PLEKHA7: variants seen among roughly 807,000 people sequenced by gnomAD.
The protein encoded by PLEKHA7 is pleckstrin homology domain containing A7.
In PLEKHA7, 104 loss-of-function variants were observed where a neutral mutation model predicts 170.0. The ratio of observed to expected loss-of-function variants is 0.61; its 90% confidence interval spans 0.52 to 0.72. The LOEUF (loss-of-function observed/expected upper bound fraction) is 0.72, where lower values mean the gene tolerates loss of function less well. Ranked by LOEUF, PLEKHA7 falls within the 30% of genes least tolerant of loss-of-function variation. The probability of loss-of-function intolerance (pLI) is 0.00; values close to 1 mark genes in which losing one functional copy is unlikely to be tolerated. For missense variants in PLEKHA7, 1,615 were observed against 1,671.7 expected (o/e 0.97, Z 0.59); for synonymous variants, 648 against 660.8 (o/e 0.98, Z 0.30).
At chr11:16,980,604 G>A (rs1863365594) in intron 3 of PLEKHA7, among the ~76,000 whole-genome samples, 1 of 152,144 alleles carries the variant, frequency 6.6e-6, no homozygotes, top group African/African-American at 2.4e-5. Context: ...GTTTGGTTTG[G>A]TTTGGGGGGG....
At chr11:16,838,822 G>A (rs1341710931) in intron 9 of PLEKHA7, among the ~76,000 whole-genome samples, 1 of 151,612 alleles carries the variant, frequency 6.6e-6, no homozygotes, top group Non-Finnish European at 1.5e-5. Flanking sequence ...GAGTAGCTGG[G>A]ACTACAGGTG....
At chr11:16,787,541 G>A (rs931854300) in intron 23 of PLEKHA7, 6 of 151,858 alleles carry the variant, frequency 4.0e-5, no homozygotes, top group Non-Finnish European at 5.9e-5. Flanking sequence ...TTCCTTACAC[G>A]CTCACAAATG....
At chr11:16,838,735 C>T (rs404492) in intron 9 of PLEKHA7, among the ~76,000 whole-genome samples, 22,985 of 127,984 alleles carry the variant, frequency 0.18, 2,228 homozygotes, top group African/African-American at 0.29. Context: ...CGCTCTGTTG[C>T]CCAGGCAGTG....
At chr11:17,012,847 C>T (rs1248556929) in intron 3 of PLEKHA7, among the ~76,000 whole-genome samples, 1 of 152,174 alleles carries the variant, frequency 6.6e-6, no homozygotes, top group Non-Finnish European at 1.5e-5. Context: ...GCAATAGAAC[C>T]GCAGCAAGGC....
chr11:17,006,647 A>AAGT (rs1865016718), intron 3 of PLEKHA7, among the ~76,000 whole-genome samples: 9 of 139,338 alleles, frequency 6.5e-5, no homozygotes, highest in East Asian at 2.3e-4. Context: ...AAAAAGGAAG[A>AAGT]TGATATATAA....
At chr11:16,958,945 G>T (rs548110973) in intron 3 of PLEKHA7, among the ~76,000 whole-genome samples, 6 of 152,150 alleles carry the variant, frequency 3.9e-5, no homozygotes, top group Non-Finnish European at 8.8e-5. Flanking sequence ...ACAGGCGGGT[G>T]GGGGGAAAGA....
chr11:16,800,413 C>G (rs1444670664), intron 17 of PLEKHA7, among the ~76,000 whole-genome samples: 3 of 152,152 alleles, frequency 2.0e-5, no homozygotes, highest in Non-Finnish European at 4.4e-5. Context: ...TGGCAGGGCT[C>G]TAAGGCCAAC....
At chr11:16,848,775 G>A (rs1852675329) in intron 8 of PLEKHA7, among the ~76,000 whole-genome samples, 1 of 152,178 alleles carries the variant, frequency 6.6e-6, no homozygotes, top group South Asian at 2.1e-4. Flanking sequence ...AAAGGTTAAA[G>A]AGTAGGCCAA....
chr11:16,943,801 A>ACAGTGC (rs1860845396), intron 3 of PLEKHA7, among the ~76,000 whole-genome samples: 1 of 152,182 alleles, frequency 6.6e-6, no homozygotes. Flanking sequence ...GCAGACAGAG[A>ACAGTGC]CAGTGCCAGG....
chr11:16,984,682 A>G (rs1863625849), intron 3 of PLEKHA7, among the ~76,000 whole-genome samples: 1 of 152,180 alleles, frequency 6.6e-6, no homozygotes, highest in Non-Finnish European at 1.5e-5. Context: ...CTGATACTAT[A>G]TATTTTAACC....
At chr11:16,891,567 G>A (rs1272693557) in intron 3 of PLEKHA7, among the ~76,000 whole-genome samples, 1 of 152,200 alleles carries the variant, frequency 6.6e-6, no homozygotes, top group African/African-American at 2.4e-5. Flanking sequence ...TATTAGTTTA[G>A]TGGCTTTGAT....
At chr11:16,793,544 C>T (rs975743828) in intron 19 of PLEKHA7, among the ~76,000 whole-genome samples, 20 of 152,240 alleles carry the variant, frequency 1.3e-4, no homozygotes, top group Non-Finnish European at 2.9e-5. Context: ...TCCAGGCACA[C>T]ACAATGCCCA....
intron 9 of PLEKHA7, among the ~76,000 whole-genome samples, chr11:16,837,953 A>T (rs1221099098): frequency 2.6e-5 from 4 of 152,112 alleles, no homozygotes; most frequent in Non-Finnish European, 5.9e-5. Context: ...GGCTTGAGAA[A>T]CCTATTGGGT....
chr11:16,996,753 G>A (rs561825998), intron 3 of PLEKHA7, among the ~76,000 whole-genome samples: 48 of 152,210 alleles, frequency 3.2e-4, no homozygotes, highest in African/African-American at 1.0e-3. Flanking sequence ...TGGCTAACAC[G>A]GTGAAACCCC....
chr11:16,861,536 C>A (rs1195758152), intron 4 of PLEKHA7, among the ~76,000 whole-genome samples: 1 of 152,000 alleles, frequency 6.6e-6, no homozygotes, highest in Non-Finnish European at 1.5e-5. Context: ...GTAGTCCCAC[C>A]TACTAGGGAG....
At chr11:16,788,767 T>G in intron 23 of PLEKHA7, 1 of 425,912 alleles carries the variant, frequency 2.3e-6, no homozygotes, top group Non-Finnish European at 4.3e-6. Flanking sequence ...CTCTCCTCTC[T>G]GAACCCTGTA....
chr11:16,803,934 G>T (rs904367217), intron 13 of PLEKHA7, among the ~76,000 whole-genome samples: 1 of 152,206 alleles, frequency 6.6e-6, no homozygotes, highest in African/African-American at 2.4e-5. Context: ...ACTTGTGTAA[G>T]TTACAAGAAA....
chr11:16,986,270 C>T (rs1863720963), intron 3 of PLEKHA7, among the ~76,000 whole-genome samples: 1 of 152,164 alleles, frequency 6.6e-6, no homozygotes, highest in South Asian at 2.1e-4. Flanking sequence ...CCAGTCGGAA[C>T]CATCTGCACC....
At chr11:16,801,602 A>G in intron 16 of PLEKHA7, 66 bp downstream of exon 16, 1 of 1,586,600 alleles carries the variant, frequency 6.3e-7, no homozygotes, top group African/African-American at 1.3e-5. Context: ...ACATCTTGGG[A>G]GGGGAGAAAA....
Sources: allele counts gnomAD v4.1 joint callset (sites outside exome capture counted in the v4.1 genomes callset), GRCh38; gene constraint gnomAD v4.1.1; transcripts MANE v1.5; gene names NCBI Gene and HGNC (gene_info 2026-07-23, HGNC 2026-07-21).